Variants in PDZRN4 observed in about 807,000 individuals in gnomAD.
The protein encoded by PDZRN4 is PDZ domain-containing RING finger protein 4.
In PDZRN4, 70 loss-of-function variants were observed where a neutral mutation model predicts 99.0. The ratio of observed to expected loss-of-function variants is 0.71; its 90% CI spans 0.58 to 0.86. The LOEUF (loss-of-function observed/expected upper bound fraction) is 0.86, where lower values mean the gene tolerates loss of function less well. Among genes scored for constraint, PDZRN4 ranks in the 40% least tolerant of loss-of-function variants. PDZRN4 has a pLI of 0.00. For missense variants in PDZRN4, 1,474 were observed against 1,331.2 expected (o/e 1.11, Z -1.67); for synonymous variants, 551 against 501.6 (o/e 1.10, Z -1.32).
At chr12:41,287,953 G>C (rs991935399) in intron 3 of PDZRN4, among the ~76,000 whole-genome samples, 2 of 152,144 alleles carry the variant, frequency 1.3e-5, no homozygotes, top group African/African-American at 4.8e-5. Context: ...TGCTAGTTGT[G>C]ACTTAGGATT....
chr12:41,413,184 C>CA (rs1271047997), intron 3 of PDZRN4: 1 of 151,894 alleles, frequency 6.6e-6, no homozygotes, highest in African/African-American at 2.4e-5. Context: ...GCTATTCAGC[C>CA]ATAAAAAAGA....
chr12:41,336,400 A>G (rs1046589380), intron 3 of PDZRN4, among the ~76,000 whole-genome samples: 5 of 152,132 alleles, frequency 3.3e-5, no homozygotes, highest in South Asian at 2.1e-4. Context: ...GGCCAACTCC[A>G]TGTAAGCACC....
intron 3 of PDZRN4, among the ~76,000 whole-genome samples, chr12:41,455,266 C>G (rs1022581253): frequency 1.3e-5 from 2 of 152,096 alleles, no homozygotes; most frequent in African/African-American, 4.8e-5. Flanking sequence ...GAATAGCCTA[C>G]AAAGAGGAGG....
At chr12:41,508,462 C>T (rs145797790) in intron 4 of PDZRN4, among the ~76,000 whole-genome samples, 7 of 152,318 alleles carry the variant, frequency 4.6e-5, no homozygotes, top group South Asian at 2.1e-4. Flanking sequence ...TGTAAACCAA[C>T]ATATTTCCAG....
chr12:41,541,615 G>A (rs939503296), intron 5 of PDZRN4, among the ~76,000 whole-genome samples: 22 of 151,386 alleles, frequency 1.5e-4, no homozygotes, highest in African/African-American at 4.1e-4. Context: ...CACCACGCCT[G>A]GCTAATTTTT....
At position 41,563,589 on chromosome 12, in the gene PDZRN4, CT is replaced by C; in HGVS notation, c.1409del (p.Leu470CysfsTer34). 1 of 1,613,516 alleles carries C rather than the reference CT, an allele frequency of 6.2e-7. No individual in the cohort carries two copies. Among genetic ancestry groups the C allele is most frequent in the Non-Finnish European group, 8.5e-7 (1 of 1,179,606 alleles). ...DVQNREEAVA[L>X]LSNDECKRIV... The stretch of plus-strand genomic sequence containing the variant: ...TCCAGAATCGAGAAGAAGCAGTGGC[CT>C]TGCTGTCTAACGATGAGTGTAAGAG... On this transcript the variant is annotated frameshift_variant, in exon 8 of 10. Coordinates refer to ENST00000402685, the MANE Select transcript of PDZRN4 (RefSeq NM_001164595.2). LOFTEE classifies it high-confidence loss of function.
intron 7 of PDZRN4, among the ~76,000 whole-genome samples, chr12:41,559,642 C>T (rs1458513160): frequency 6.6e-6 from 1 of 152,124 alleles, no homozygotes; most frequent in East Asian, 1.9e-4. Flanking sequence ...TACAAGAACT[C>T]AGTGAAACAA....
intron 3 of PDZRN4, among the ~76,000 whole-genome samples, chr12:41,407,877 T>C (rs74077591): frequency 0.067 from 10,126 of 152,222 alleles, 838 homozygotes; most frequent in East Asian, 0.18. Flanking sequence ...AAGGCATTTT[T>C]CTTATCTAAG....
At chr12:41,388,331 T>C (rs926397555) in intron 3 of PDZRN4, among the ~76,000 whole-genome samples, 2 of 151,922 alleles carry the variant, frequency 1.3e-5, no homozygotes, top group Non-Finnish European at 2.9e-5. Flanking sequence ...AAAATAATCT[T>C]ACAAGTTTAC....
At chr12:41,361,696 T>C (rs1429005283) in intron 3 of PDZRN4, among the ~76,000 whole-genome samples, 10 of 152,022 alleles carry the variant, frequency 6.6e-5, no homozygotes, top group Admixed American at 5.9e-4. Context: ...TGCTACTGAA[T>C]GTCAGATAAA....
intron 3 of PDZRN4, among the ~76,000 whole-genome samples, chr12:41,308,708 T>C (rs1162083125): frequency 6.6e-6 from 1 of 152,204 alleles, no homozygotes; most frequent in Non-Finnish European, 1.5e-5. Flanking sequence ...GGGTATGTGT[T>C]TGTGTTCAAA....
At position 41,394,147 on chromosome 12, in the gene PDZRN4, G is replaced by A. The variant is rs570697448; in HGVS notation, c.844-112309G>A. Among the ~76,000 whole-genome samples the A allele has an allele frequency of 3.3e-5, 5 of 152,176 alleles. No individual in the cohort carries two copies. The South Asian group carries it at 1.0e-3, about 32-fold the overall frequency. ...CTGTCTTCTCATTGCATCCTCACAT[G>A]GTGGAAATATGGTGAGAGGGCTCTC... On this transcript the variant is annotated intron_variant, in intron 3 of 9. Transcript: ENST00000402685.
At chr12:41,405,858 A>G (rs1592047022) in intron 3 of PDZRN4, among the ~76,000 whole-genome samples, 2 of 152,052 alleles carry the variant, frequency 1.3e-5, no homozygotes, top group East Asian at 3.9e-4. Flanking sequence ...CAGAAAACCA[A>G]ATACCACATG....
At chr12:41,218,666 TA>T in intron 3 of PDZRN4, among the ~76,000 whole-genome samples, 1 of 152,176 alleles carries the variant, frequency 6.6e-6, no homozygotes, top group East Asian at 1.9e-4. Flanking sequence ...TAAAATAATA[TA>T]AAACGAACTG....
chr12:41,559,097 A>G (rs534425926), intron 7 of PDZRN4, among the ~76,000 whole-genome samples: 1 of 152,180 alleles, frequency 6.6e-6, no homozygotes, highest in South Asian at 2.1e-4. Flanking sequence ...CCCTGCCCTC[A>G]CTGTGTAGCC....
At chr12:41,543,084 C>CCT (rs1938887281) in intron 5 of PDZRN4, among the ~76,000 whole-genome samples, 1 of 152,118 alleles carries the variant, frequency 6.6e-6, no homozygotes, top group African/African-American at 2.4e-5. Flanking sequence ...ATCCCTAAAC[C>CCT]CTCTTCATGG....
intron 3 of PDZRN4, among the ~76,000 whole-genome samples, chr12:41,225,658 G>A (rs1362008797): frequency 6.6e-6 from 1 of 151,990 alleles, no homozygotes; most frequent in African/African-American, 2.4e-5. Context: ...GACTCCAAGT[G>A]GTAAGATGTT....
intron 3 of PDZRN4, among the ~76,000 whole-genome samples, chr12:41,372,750 A>G (rs192097281): frequency 6.6e-6 from 1 of 152,288 alleles, no homozygotes; most frequent in Non-Finnish European, 1.5e-5. Context: ...AAGATCTTCT[A>G]AGCCATTTAA....
rs559100076 is a variant in PDZRN4 at position 41,416,417 on chromosome 12, G to A, written c.844-90039G>A. Among the ~76,000 whole-genome samples, 8 of 152,234 alleles carry A rather than the reference G, an allele frequency of 5.3e-5. No individual in the cohort carries two copies. In the South Asian group the frequency reaches 6.2e-4, roughly 12 times the overall value. On this transcript the variant is annotated intron_variant, in intron 3 of 9. Coordinates refer to ENST00000402685, the MANE Select transcript of PDZRN4 (RefSeq NM_001164595.2). The stretch of plus-strand genomic sequence containing the variant: ...CCCAGCACTTTGGAAGGCTGAGGCC[G>A]GTGGATCACCTGAGGTCAGGAGTTT...
Sources: gnomAD v4.1 joint callset for allele counts (sites outside exome capture counted in the v4.1 genomes callset) on GRCh38, gnomAD v4.1.1 for gene constraint, MANE v1.5 for transcripts, NCBI Gene and HGNC (gene_info 2026-07-23, HGNC 2026-07-21) for gene names.